Variants in KIF5C observed in about 807,000 individuals in gnomAD.
KIF5C encodes kinesin family member 5C, also known as kinesin heavy chain isoform 5C.
Under a neutral mutation model 125.2 loss-of-function variants are expected in KIF5C, and 18 were observed. The ratio of observed to expected loss-of-function variants is 0.14; its 90% CI spans 0.10 to 0.21. The LOEUF (loss-of-function observed/expected upper bound fraction) is 0.21, where lower values mean the gene tolerates loss of function less well. Among genes scored for constraint, KIF5C ranks in the 10% least tolerant of loss-of-function variants. KIF5C has a pLI of 1.00. For synonymous variants in KIF5C, 405 were observed against 434.0 expected, an observed-to-expected ratio of 0.93 and a Z score of 0.83; for missense variants, 780 against 1,183.8, an observed-to-expected ratio of 0.66 and a Z score of 5.01.
chr2:148,901,702 C>T (rs1680908786), intron 1 of KIF5C, among the ~76,000 whole-genome samples: 1 of 152,188 alleles, frequency 6.6e-6, no homozygotes. Flanking sequence ...AGATGTGGTA[C>T]ACCCATGTCA....
At chr2:148,931,300 A>G (rs1682179381) in intron 3 of KIF5C, among the ~76,000 whole-genome samples, 1 of 152,224 alleles carries the variant, frequency 6.6e-6, no homozygotes, top group South Asian at 2.1e-4. Context: ...AAGCTGTAAG[A>G]CATCAAGAGA....
At chr2:148,971,290 G>A (rs6742837) in intron 11 of KIF5C, among the ~76,000 whole-genome samples, 10,032 of 137,194 alleles carry the variant, frequency 0.073, 537 homozygotes, top group African/African-American at 0.16. Flanking sequence ...CTGTCTGTCT[G>A]TCTATCTATC....
chr2:148,936,109 C>T (rs1390972685), intron 3 of KIF5C, among the ~76,000 whole-genome samples: 1 of 152,002 alleles, frequency 6.6e-6, no homozygotes, highest in Non-Finnish European at 1.5e-5. Flanking sequence ...GGCAACACTG[C>T]GAAACCTCAT....
intron 24 of KIF5C, 77 bp downstream of exon 24, chr2:149,010,428 G>A: frequency 6.8e-7 from 1 of 1,472,312 alleles, no homozygotes. Flanking sequence ...AAAAGGTGAA[G>A]ACAGCGCTGG....
At chr2:149,011,388 C>T (rs181817323) in intron 24 of KIF5C, among the ~76,000 whole-genome samples, 182 bp from the exon 25 acceptor site, 11 of 152,242 alleles carry the variant, frequency 7.2e-5, no homozygotes, top group African/African-American at 2.6e-4. Context: ...ATTTGGATGC[C>T]TTGGATTTGC....
At chr2:148,918,442 A>G (rs1681648214) in intron 1 of KIF5C, among the ~76,000 whole-genome samples, 1 of 152,210 alleles carries the variant, frequency 6.6e-6, no homozygotes, top group African/African-American at 2.4e-5. Flanking sequence ...CATACTAACT[A>G]CTATGGAGCA....
intron 21 of KIF5C, among the ~76,000 whole-genome samples, chr2:149,001,311 G>C (rs1681845735): frequency 6.6e-6 from 1 of 152,170 alleles, no homozygotes; most frequent in Non-Finnish European, 1.5e-5. Flanking sequence ...ACTCGAAGAA[G>C]GAGAAGAACT....
rs774225318 is a variant in KIF5C, at chr2:149,000,450, G to A, written c.2238G>A (p.Gln746=). Residue 746 remains glutamine, a synonymous_variant, in exon 20 of 26, where the codon CAG becomes CAA. Coordinates refer to ENST00000435030, the MANE Select transcript of KIF5C (RefSeq NM_004522.3). ...TGAATCAGAAACTGCAACTGGAACAGGAGAAGCTTAGTTCTGATTATAACA... is the reference window on the plus strand; with the variant it reads ...TGAATCAGAAACTGCAACTGGAACAAGAGAAGCTTAGTTCTGATTATAACA... The part of the protein sequence containing the change: ...RDLNQKLQLE[Q]EKLSSDYNKL... The A allele has an allele frequency of 4.4e-6, 7 of 1,586,866 alleles. No homozygotes were observed. The Admixed American group carries it at 1.0e-4, about 24-fold the overall frequency.
intron 7 of KIF5C, among the ~76,000 whole-genome samples, chr2:148,944,595 T>C (rs1682482040): frequency 6.6e-6 from 1 of 152,260 alleles, no homozygotes; most frequent in South Asian, 2.1e-4. Context: ...AATGCTGTTA[T>C]GAACATAGGT....
In KIF5C at chr2:148,934,770, A is replaced by G. The variant is rs550160914; in HGVS notation, c.292-2514A>G. Reference sequence around the variant, plus strand: ...CATATAACCCCCACATCACACATATATGTAATACTCCACATACATCACACG... The same window carrying G: ...CATATAACCCCCACATCACACATATGTGTAATACTCCACATACATCACACG... On this transcript the variant is annotated intron_variant, in intron 3 of 25. Coordinates refer to ENST00000435030, the MANE Select transcript of KIF5C (RefSeq NM_004522.3). Among the ~76,000 whole-genome samples the G allele has an allele frequency of 3.3e-5, 5 of 151,850 alleles. No homozygotes were observed. The South Asian group carries it at 1.0e-3, about 32-fold the overall frequency.
chr2:148,967,699 C>G (rs540244296), intron 11 of KIF5C, among the ~76,000 whole-genome samples: 6 of 152,320 alleles, frequency 3.9e-5, no homozygotes, highest in African/African-American at 1.2e-4. Flanking sequence ...TTCTTCGAAT[C>G]TGGAGGCTCT....
intron 1 of KIF5C, among the ~76,000 whole-genome samples, chr2:148,891,782 C>T (rs960846251): frequency 2.6e-5 from 4 of 152,138 alleles, no homozygotes; most frequent in Non-Finnish European, 5.9e-5. Context: ...ACTGCAACCT[C>T]CACCTCCCAG....
chr2:148,934,966 C>T lies in KIF5C; in HGVS notation c.292-2318C>T, dbSNP rs111240513. The T allele has an allele frequency of 2.2e-3, 622 of 288,046 alleles. 6 individuals carry two copies. Among genetic ancestry groups the T allele is most frequent in the African/African-American group, 0.013 (558 of 43,976 alleles). 17.8% of individuals were successfully genotyped at this position (288,046 alleles called of 1,614,324 possible). On this transcript the variant is annotated intron_variant, in intron 3 of 25. Transcript: ENST00000435030. ...GCGTACACACACCTGCAGATTGTTT[C>T]GGCAGGCCCAGTTTGCTGCACATAA...
At chr2:148,932,028 A>G (rs1682195784) in intron 3 of KIF5C, among the ~76,000 whole-genome samples, 1 of 152,038 alleles carries the variant, frequency 6.6e-6, no homozygotes, top group Non-Finnish European at 1.5e-5. Context: ...TAGGGTAATT[A>G]TAGATTGGAG....
rs759871280 is a variant in KIF5C at position 148,937,278 on chromosome 2, C to G, written c.292-6C>G. 1 of 1,583,372 alleles carries G rather than the reference C, an allele frequency of 6.3e-7. No homozygotes were observed. Among genetic ancestry groups the G allele is most frequent in the Non-Finnish European group, 8.6e-7 (1 of 1,163,442 alleles). On this transcript the variant is annotated splice_region_variant and splice_polypyrimidine_tract_variant and intron_variant, in intron 3 of 25. Coordinates refer to ENST00000435030, the MANE Select transcript of KIF5C (RefSeq NM_004522.3). Reference sequence around the variant, plus strand: ...AACTGCCCGTGTTTGTATTTTCGCCCACTAGGGGAAGCTGCATGACCCCCA... The same window carrying G: ...AACTGCCCGTGTTTGTATTTTCGCCGACTAGGGGAAGCTGCATGACCCCCA...
At chr2:148,877,053 A>G (rs956561044) in intron 1 of KIF5C, among the ~76,000 whole-genome samples, 1 of 152,342 alleles carries the variant, frequency 6.6e-6, no homozygotes, top group Admixed American at 6.5e-5. Context: ...CTCAAGCGCC[A>G]GAGGCCGACG....
intron 1 of KIF5C, among the ~76,000 whole-genome samples, chr2:148,893,678 CTTGAT>C (rs1331418853): frequency 6.6e-6 from 1 of 152,160 alleles, no homozygotes; most frequent in Non-Finnish European, 1.5e-5. Context: ...TCAGGGTTTG[CTTGAT>C]TTATTTTCAT....
intron 18 of KIF5C, 113 bp downstream of exon 18, chr2:148,997,453 G>A: frequency 6.5e-7 from 1 of 1,542,252 alleles, no homozygotes; most frequent in Non-Finnish European, 8.8e-7. Flanking sequence ...GCAAGGGACA[G>A]GGGAGGGGCT....
intron 10 of KIF5C, among the ~76,000 whole-genome samples, chr2:148,961,754 C>A (rs1282983926): frequency 6.6e-6 from 1 of 152,082 alleles, no homozygotes; most frequent in Non-Finnish European, 1.5e-5. Flanking sequence ...GATTTAGAGA[C>A]CAGTGGGATG....
Sources: gnomAD v4.1 joint callset for allele counts (sites outside exome capture counted in the v4.1 genomes callset) on GRCh38, gnomAD v4.1.1 for gene constraint, MANE v1.5 for transcripts, NCBI Gene and HGNC (gene_info 2026-07-23, HGNC 2026-07-21) for gene names.